Variants in LRRC8D observed in about 807,000 individuals in gnomAD.
The protein encoded by LRRC8D is volume-regulated anion channel subunit LRRC8D.
Under a neutral mutation model 55.8 loss-of-function variants are expected in LRRC8D, and 20 were observed. The ratio of observed to expected loss-of-function variants is 0.36; its 90% CI spans 0.25 to 0.52. The LOEUF (loss-of-function observed/expected upper bound fraction) is 0.52, where lower values mean the gene tolerates loss of function less well. LRRC8D is among the 20% of genes least tolerant of loss of function. The pLI, the probability that LRRC8D is intolerant of heterozygous loss-of-function variation, is 0.93. For missense variants in LRRC8D, 651 were observed against 1,030.8 expected (o/e 0.63, Z 5.05); for synonymous variants, 352 against 377.0 (o/e 0.93, Z 0.77).
intron 2 of LRRC8D, among the ~76,000 whole-genome samples, chr1:89,874,554 A>G (rs1300151677): frequency 6.6e-6 from 1 of 151,766 alleles, no homozygotes; most frequent in Non-Finnish European, 1.5e-5. Context: ...CAGTGACTTT[A>G]TCACCTAAAA....
chr1:89,931,318 A>T (rs541263295), intron 2 of LRRC8D, among the ~76,000 whole-genome samples: 5 of 151,654 alleles, frequency 3.3e-5, no homozygotes, highest in Non-Finnish European at 7.4e-5. Flanking sequence ...TTTAAAACAG[A>T]GCAGAATCAA....
At chr1:89,926,034 A>G (rs1663555527) in intron 2 of LRRC8D, among the ~76,000 whole-genome samples, 1 of 152,190 alleles carries the variant, frequency 6.6e-6, no homozygotes, top group Admixed American at 6.5e-5. Context: ...ATCTCATGCT[A>G]TGCCTTTGCC....
At chr1:89,875,081 A>G (rs1344588579) in intron 2 of LRRC8D, among the ~76,000 whole-genome samples, 1 of 152,232 alleles carries the variant, frequency 6.6e-6, no homozygotes, top group Non-Finnish European at 1.5e-5. Context: ...CAAGAATAAT[A>G]TGAGGATAAA....
intron 2 of LRRC8D, among the ~76,000 whole-genome samples, chr1:89,925,495 TGGGGACTGCTGACC>T (rs2100983075): frequency 6.6e-6 from 1 of 152,288 alleles, no homozygotes; most frequent in South Asian, 2.1e-4. Context: ...CCAAAATGGT[TGGGGACTGCTGACC>T]TTGGTGATGG....
In LRRC8D at chr1:89,933,825, A is replaced by G. The variant is rs1204112064; in HGVS notation, c.757A>G (p.Met253Val). The G allele has an allele frequency of 1.2e-6, 2 of 1,614,148 alleles. No homozygotes were observed. The highest frequency in any genetic ancestry group is 2.2e-5 in the East Asian group (1 of 44,888). ...DEGSPSASTP[M>V]INKTGFKFSA... The stretch of plus-strand genomic sequence containing the variant: ...AGGGAGCCCCAGTGCCAGTACACCA[A>G]TGATCAATAAAACTGGCTTTAAATT... Residue 253 changes from methionine to valine, a missense_variant, in exon 3 of 3, where the codon ATG (methionine) becomes GTG (valine). By Grantham distance (21) the Met-to-Val change is conservative (BLOSUM62 1). Around this residue, in one of 5 missense-constraint regions of LRRC8D, gnomAD observed 178 missense variants for 374.9 expected, o/e 0.47. Coordinates refer to ENST00000337338, the MANE Select transcript of LRRC8D (RefSeq NM_001134479.2). This position sits in a 1 kb window ranked among gnomAD's most constrained non-coding sequence, Gnocchi z 7.0.
chr1:89,876,346 C>T (rs1417447455), intron 2 of LRRC8D, among the ~76,000 whole-genome samples: 1 of 152,212 alleles, frequency 6.6e-6, no homozygotes, highest in Non-Finnish European at 1.5e-5. Flanking sequence ...ATTTACCATA[C>T]AGATTCCTGG....
At chr1:89,915,048 T>G (rs1009095263) in intron 2 of LRRC8D, among the ~76,000 whole-genome samples, 9 of 145,438 alleles carry the variant, frequency 6.2e-5, no homozygotes, top group East Asian at 1.9e-4. Context: ...GTGTGTGTGG[T>G]GTGTGTGTAT....
chr1:89,900,217 G>A (rs1662816540), intron 2 of LRRC8D, among the ~76,000 whole-genome samples: 1 of 152,150 alleles, frequency 6.6e-6, no homozygotes, highest in Non-Finnish European at 1.5e-5. Context: ...GGAGAAAACT[G>A]GATACTTTAG....
intron 2 of LRRC8D, among the ~76,000 whole-genome samples, chr1:89,860,786 A>AAATAAATATATT (rs1661696592): frequency 4.7e-5 from 1 of 21,110 alleles, no homozygotes; most frequent in South Asian, 1.9e-3. Flanking sequence ...AAAAAAAAAA[A>AAATAAATATATT]TATATATATA....
rs200967020 is a variant in LRRC8D, at chr1:89,935,674, C to G, written c.*29C>G. On this transcript the variant is annotated 3_prime_UTR_variant, in exon 3 of 3. Transcript: ENST00000337338. ...AAGATAATATATGCACAGTGATGTG[C>G]AGGAACAACTTCCTAGATTGCAAGT... 1 of 1,588,568 alleles carries G rather than the reference C, an allele frequency of 6.3e-7. No individual in the cohort carries two copies. The highest frequency in any genetic ancestry group is 1.3e-5 in the African/African-American group (1 of 74,428).
intron 1 of LRRC8D, among the ~76,000 whole-genome samples, chr1:89,842,137 C>T (rs1661150123): frequency 6.7e-6 from 1 of 149,096 alleles, no homozygotes; most frequent in Admixed American, 6.8e-5. Context: ...CGTTTGAACC[C>T]GAGAGGCGGA....
chr1:89,847,917 A>G (rs1214839800), intron 2 of LRRC8D, among the ~76,000 whole-genome samples: 1 of 152,242 alleles, frequency 6.6e-6, no homozygotes, highest in Non-Finnish European at 1.5e-5. Flanking sequence ...GTAGGGATTC[A>G]GCCTACAGAC....
At chr1:89,843,808 G>A in intron 2 of LRRC8D, 26 bp downstream of exon 2, 1 of 644,870 alleles carries the variant, frequency 1.6e-6, no homozygotes, top group Non-Finnish European at 2.8e-6. Flanking sequence ...TCTGGGTCCA[G>A]GGAGCGGGTC....
At chr1:89,838,314 A>G (rs4658334) in intron 1 of LRRC8D, among the ~76,000 whole-genome samples, 96,939 of 152,082 alleles carry the variant, frequency 0.64, 34,484 homozygotes, top group East Asian at 0.83. Flanking sequence ...GAACAAGGCT[A>G]CAGTGAGCTG....
intron 2 of LRRC8D, among the ~76,000 whole-genome samples, chr1:89,869,342 C>T (rs546747776): frequency 6.6e-6 from 1 of 152,262 alleles, no homozygotes; most frequent in Non-Finnish European, 1.5e-5. Flanking sequence ...GAAGCATACG[C>T]AAGTATCAAT....
chr1:89,883,228 G>A (rs563470963), intron 2 of LRRC8D, among the ~76,000 whole-genome samples: 4 of 152,090 alleles, frequency 2.6e-5, no homozygotes, highest in Admixed American at 1.3e-4. Flanking sequence ...AGGCGTGTGT[G>A]TGTGTGTGTG....
At chr1:89,876,448 T>G (rs1662150159) in intron 2 of LRRC8D, among the ~76,000 whole-genome samples, 1 of 152,166 alleles carries the variant, frequency 6.6e-6, no homozygotes, top group African/African-American at 2.4e-5. Context: ...TTAGAGGATG[T>G]GCACTTCCCG....
intron 1 of LRRC8D, among the ~76,000 whole-genome samples, chr1:89,823,847 G>A (rs1219629784): frequency 6.6e-6 from 1 of 152,186 alleles, no homozygotes; most frequent in Non-Finnish European, 1.5e-5. Context: ...AGTTTATGAA[G>A]TATGCTGAGG....
At chr1:89,833,221 T>G (rs1053015980) in intron 1 of LRRC8D, among the ~76,000 whole-genome samples, 16 of 152,200 alleles carry the variant, frequency 1.1e-4, no homozygotes, top group African/African-American at 3.9e-4. Context: ...TTATATTCCT[T>G]CCCTGATACT....
Sources: gnomAD v4.1 joint callset for allele counts (sites outside exome capture counted in the v4.1 genomes callset) on GRCh38, gnomAD v4.1.1 for gene constraint, gnomAD v4.1.1 regional missense constraint, Gnocchi (gnomAD v3.1) non-coding constraint, MANE v1.5 for transcripts, NCBI Gene and HGNC (gene_info 2026-07-23, HGNC 2026-07-21) for gene names.